The following SORCS1 variants were observed in gnomAD, a reference collection of about 807,000 sequenced individuals.
SORCS1 encodes the protein VPS10 domain-containing receptor SorCS1.
A neutral mutation model predicts 146.1 loss-of-function variants in SORCS1; 60 were observed. The ratio of observed to expected loss-of-function variants is 0.41; its 90% CI spans 0.33 to 0.51. The LOEUF is 0.51. Ranked by LOEUF, SORCS1 falls within the 20% of genes least tolerant of loss-of-function variation. The pLI is 0.21. For synonymous variants in SORCS1, 637 were observed against 584.0 expected, an observed-to-expected ratio of 1.09 and a Z score of -1.31; for missense variants, 1,352 against 1,487.6, an observed-to-expected ratio of 0.91 and a Z score of 1.50.
intron 19 of SORCS1, among the ~76,000 whole-genome samples, chr10:106,622,907 G>T (rs1454264495): frequency 6.6e-6 from 1 of 152,186 alleles, no homozygotes; most frequent in Non-Finnish European, 1.5e-5. Flanking sequence ...GCTATTAAGA[G>T]TTGCTGCCTC....
intron 3 of SORCS1, among the ~76,000 whole-genome samples, chr10:106,807,336 C>A (rs1030648729): frequency 1.4e-4 from 22 of 152,116 alleles, no homozygotes; most frequent in African/African-American, 4.8e-4. Flanking sequence ...TTTTTTGAAA[C>A]TTGAAACTTC....
At chr10:106,943,948 A>C (rs1726404614) in intron 2 of SORCS1, among the ~76,000 whole-genome samples, 1 of 152,174 alleles carries the variant, frequency 6.6e-6, no homozygotes, top group Non-Finnish European at 1.5e-5. Flanking sequence ...AAGTCATTGC[A>C]GATATGTTTC....
intron 1 of SORCS1, among the ~76,000 whole-genome samples, chr10:107,150,181 C>A (rs140841791): frequency 1.3e-5 from 2 of 152,196 alleles, no homozygotes; most frequent in African/African-American, 4.8e-5. Context: ...GTATTCCCAG[C>A]GCTCAGCACA....
intron 9 of SORCS1, 131 bp from the exon 10 acceptor site, chr10:106,688,469 G>A (rs921837702): frequency 2.8e-5 from 28 of 988,914 alleles, no homozygotes; most frequent in Non-Finnish European, 3.9e-5. Context: ...GTTGACGATG[G>A]GGGAAGGAGG....
Position 106,968,082 on chromosome 10 carries a change from T to C in SORCS1, c.559-11502A>G, listed in dbSNP as rs541381047. 1.3e-3 allele frequency among the ~76,000 whole-genome samples: 191 copies of C among 146,226 alleles called. 1 individual carries two copies. The highest frequency in any genetic ancestry group is 9.6e-3 in the East Asian group (48 of 5,020). ...AAAGTTAGCTGGGCGTGGTGGCGGGTGCCTGTAGTCCCAGTTACTCGGGAG... is the reference window on the plus strand; with the variant it reads ...AAAGTTAGCTGGGCGTGGTGGCGGGCGCCTGTAGTCCCAGTTACTCGGGAG... On this transcript the variant is annotated intron_variant, in intron 1 of 25. Transcript: ENST00000263054.
At chr10:106,955,862 G>A (rs573255969) in intron 2 of SORCS1, among the ~76,000 whole-genome samples, 28 of 152,192 alleles carry the variant, frequency 1.8e-4, no homozygotes, top group African/African-American at 5.8e-4. Flanking sequence ...GCGTGGTGGC[G>A]CATGCCTGTA....
chr10:106,865,731 T>A (rs1010276433), intron 2 of SORCS1, among the ~76,000 whole-genome samples: 8 of 145,900 alleles, frequency 5.5e-5, no homozygotes, highest in African/African-American at 7.7e-5. Flanking sequence ...CTCAAAAAAA[T>A]AAATAAAATA....
At chr10:106,908,622 T>C (rs142713656) in intron 2 of SORCS1, among the ~76,000 whole-genome samples, 9 of 152,262 alleles carry the variant, frequency 5.9e-5, no homozygotes, top group African/African-American at 1.9e-4. Context: ...GCTGGATGCA[T>C]CTTCAGTGGG....
At chr10:106,709,466 T>A (rs1589711211) in intron 6 of SORCS1, 125 bp from the exon 7 acceptor site, 1 of 407,306 alleles carries the variant, frequency 2.5e-6, no homozygotes, top group East Asian at 4.9e-5. Context: ...TTTTTTTTTT[T>A]GAGATGGAGT....
intron 1 of SORCS1, among the ~76,000 whole-genome samples, chr10:107,074,557 T>C (rs559485971): frequency 1.5e-4 from 23 of 152,322 alleles, no homozygotes; most frequent in African/African-American, 5.1e-4. Flanking sequence ...TGTGGATAAA[T>C]TGCAAGGAGT....
chr10:106,653,229 T>A (rs1375780174), intron 17 of SORCS1, among the ~76,000 whole-genome samples: 1 of 152,232 alleles, frequency 6.6e-6, no homozygotes, highest in Non-Finnish European at 1.5e-5. Flanking sequence ...ATATAATTTA[T>A]CAGATTCATA....
At chr10:106,989,265 A>G in intron 1 of SORCS1, among the ~76,000 whole-genome samples, 1 of 81,486 alleles carries the variant, frequency 1.2e-5, no homozygotes, top group Admixed American at 1.8e-4. Flanking sequence ...GAAAGGCTCC[A>G]CCTCAGAAAA....
intron 1 of SORCS1, among the ~76,000 whole-genome samples, chr10:107,055,661 T>G (rs187887911): frequency 4.4e-4 from 67 of 152,236 alleles, no homozygotes; most frequent in African/African-American, 1.6e-3. Context: ...CAACAGCCAT[T>G]TGATTCAAAG....
intron 2 of SORCS1, among the ~76,000 whole-genome samples, chr10:106,924,347 T>C (rs138670199): frequency 1.3e-5 from 2 of 152,092 alleles, no homozygotes; most frequent in South Asian, 2.1e-4. Context: ...TGCTCAGTGA[T>C]TGAAAGGAAC....
chr10:107,125,766 C>T (rs970098209), intron 1 of SORCS1, among the ~76,000 whole-genome samples: 1 of 152,096 alleles, frequency 6.6e-6, no homozygotes, highest in Non-Finnish European at 1.5e-5. Context: ...TTCTTTTTTT[C>T]CCCCTCTGCT....
At chr10:106,618,695 T>C (rs186198487) in intron 20 of SORCS1, among the ~76,000 whole-genome samples, 166 of 152,250 alleles carry the variant, frequency 1.1e-3, no homozygotes, top group Non-Finnish European at 2.0e-3. Flanking sequence ...CTGCCATGTG[T>C]TCATCTCCAG....
chr10:107,127,411 C>T (rs1347444391), intron 1 of SORCS1, among the ~76,000 whole-genome samples: 3 of 152,124 alleles, frequency 2.0e-5, no homozygotes, highest in African/African-American at 4.8e-5. Context: ...CCTTAGAATA[C>T]ATGTTGTGTA....
chr10:106,726,075 C>CCTGACCTCT (rs1234931432), intron 6 of SORCS1, among the ~76,000 whole-genome samples: 1 of 151,798 alleles, frequency 6.6e-6, no homozygotes, highest in East Asian at 1.9e-4. Context: ...ACCTTGCTAC[C>CCTGACCTCT]CTGACCTCTC....
At chr10:107,095,061 C>T (rs1964454209) in intron 1 of SORCS1, among the ~76,000 whole-genome samples, 1 of 152,156 alleles carries the variant, frequency 6.6e-6, no homozygotes, top group African/African-American at 2.4e-5. Flanking sequence ...GTGTAGGACA[C>T]AGATGTTACC....
Sources: gnomAD v4.1 joint callset for allele counts (sites outside exome capture counted in the v4.1 genomes callset) on GRCh38, gnomAD v4.1.1 for gene constraint, MANE v1.5 for transcripts, NCBI Gene and HGNC (gene_info 2026-07-23, HGNC 2026-07-21) for gene names.